Variants in SOX4 observed in about 807,000 individuals in gnomAD.
SOX4 encodes the protein SRY-box transcription factor 4.
For synonymous variants in SOX4, 465 were observed against 348.4 expected (o/e 1.33, Z -3.73); for missense variants, 662 against 694.9 (o/e 0.95, Z 0.53).
Position 21,594,906 on chromosome 6 carries a change from C to T in SOX4, c.372C>T (p.Pro124=), listed in dbSNP as rs748261222. 7 of 1,613,100 alleles carry T rather than the reference C, an allele frequency of 4.3e-6. No homozygotes were observed. The Admixed American group carries it at 8.3e-5, about 19-fold the overall frequency. The change falls in exon 1 of 1, where the codon CCC becomes CCT. Residue 124 remains proline, a synonymous_variant. Transcript: ENST00000244745. Reference sequence around the variant, plus strand: ...GCCTCAAGCACATGGCTGACTACCCCGACTACAAGTACCGGCCCAGGAAGA... The same window carrying T: ...GCCTCAAGCACATGGCTGACTACCCTGACTACAAGTACCGGCCCAGGAAGA... ...RLRLKHMADY[P]DYKYRPRKKV... is the part of the protein sequence containing the mutation.
At position 21,594,943 on chromosome 6, in the gene SOX4, G is replaced by A. The variant is rs1413973938; in HGVS notation, c.409G>A (p.Gly137Ser). Residue 137 changes from glycine (G) to serine (S), a missense_variant, in exon 1 of 1, where the codon GGC becomes AGC. Transcript: ENST00000244745. ...KYRPRKKVKS[G>S]NANSSSSAAA... ...CCGGCCCAGGAAGAAGGTGAAGTCC[G>A]GCAACGCCAACTCCAGCTCCTCGGC... 2 of 1,610,522 alleles carry A rather than the reference G, an allele frequency of 1.2e-6. No individual in the cohort carries two copies. Among genetic ancestry groups the A allele is most frequent in the Non-Finnish European group, 1.7e-6 (2 of 1,178,604 alleles).
Position 21,595,977 on chromosome 6 carries a change from A to C in SOX4, c.*18A>C. On this transcript the variant is annotated 3_prime_UTR_variant, in exon 1 of 1. Coordinates refer to ENST00000244745, the MANE Select transcript of SOX4 (RefSeq NM_003107.3). ...CCTACTGAAGGGCGCGCAGGCAGGG[A>C]GAAGGGCCGGGGGGGGTAGGAGAGG... 1 of 1,489,374 alleles carries C rather than the reference A, an allele frequency of 6.7e-7. No homozygotes were observed. The highest frequency in any genetic ancestry group is 9.0e-7 in the Non-Finnish European group (1 of 1,110,340). 92.3% of individuals were successfully genotyped at this position (1,489,374 alleles called of 1,614,324 possible).
Position 21,594,684 on chromosome 6 carries a change from C to G in SOX4, c.150C>G (p.Ser50Arg), listed in dbSNP as rs1030019623. The G allele has an allele frequency of 6.3e-7, 1 of 1,598,884 alleles. No homozygotes were observed. Among genetic ancestry groups the G allele is most frequent in the African/African-American group, 1.3e-5 (1 of 74,722 alleles). The change falls in exon 1 of 1, where the codon AGC becomes AGG. Residue 50 changes from serine to arginine, a missense_variant. By Grantham distance (110) the Ser-to-Arg change is moderately radical. Transcript: ENST00000244745. ...CGGGCGGCAAGGCCGACGACCCGAG[C>G]TGGTGCAAGACCCCGAGTGGGCACA... ...ASTGGKADDP[S>R]WCKTPSGHIK...
rs1234272534 is a variant in SOX4, at chr6:21,594,108, A to G, written c.-427A>G. The G allele has an allele frequency of 1.3e-5, 2 of 156,238 alleles. No individual in the cohort carries two copies. The highest frequency in any genetic ancestry group is 2.8e-5 in the Non-Finnish European group (2 of 71,814). The allele number at this position is 156,238 out of a possible 1,614,324, so 9.7% of individuals were successfully genotyped here. On this transcript the variant is annotated 5_prime_UTR_variant, in exon 1 of 1. Coordinates refer to ENST00000244745, the MANE Select transcript of SOX4 (RefSeq NM_003107.3). ...CGAGAGCGCTCGTGAACTGGAATCA[A>G]CTGCTTCAGGGAAAAAGAAAAAAAA...
Position 21,595,018 on chromosome 6 carries a change from GGCGGGGGCGGCC to G in SOX4, c.485_496del (p.Gly162_His166delinsAsp), listed in dbSNP as rs1300999428. 1.3e-6 allele frequency: 2 copies of G among 1,498,444 alleles called. No individual in the cohort carries two copies. The highest frequency in any genetic ancestry group is 1.8e-6 in the Non-Finnish European group (2 of 1,126,306). 92.8% of individuals were successfully genotyped at this position (1,498,444 alleles called of 1,614,324 possible). On this transcript the variant is annotated inframe_deletion, in exon 1 of 1. Transcript: ENST00000244745. ...GAAGGGAGACAAGGTCGGTGGCAGT[GGCGGGGGCGGCC>G]ATGGGGGCGGCGGCGGCGGCGGGAG...
At position 21,595,371 on chromosome 6, in the gene SOX4, A is replaced by C. The variant is rs1763117272; in HGVS notation, c.837A>C (p.Ala279=). 8 of 1,533,910 alleles carry C rather than the reference A, an allele frequency of 5.2e-6. No individual in the cohort carries two copies. The East Asian group carries it at 1.9e-4, about 36-fold the overall frequency. ...ASASSAASAS[A]ALAAPGKHLA... ...CCTCCTCGGCAGCCTCGGCCTCCGC[A>C]GCGCTCGCGGCCCCGGGCAAGCACC... Residue 279 remains alanine, a synonymous_variant, in exon 1 of 1, where the codon GCA becomes GCC. Coordinates refer to ENST00000244745, the MANE Select transcript of SOX4 (RefSeq NM_003107.3).
Position 21,594,947 on chromosome 6 carries a change from A to T in SOX4, c.413A>T (p.Asn138Ile), listed in dbSNP as rs1201604177. 1 of 1,610,092 alleles carries T rather than the reference A, an allele frequency of 6.2e-7. No homozygotes were observed. Among genetic ancestry groups the T allele is most frequent in the Non-Finnish European group, 8.5e-7 (1 of 1,178,400 alleles). Residue 138 changes from asparagine to isoleucine, a missense_variant, in exon 1 of 1, where the codon AAC (asparagine) becomes ATC (isoleucine). Transcript: ENST00000244745. ...CCCAGGAAGAAGGTGAAGTCCGGCA[A>T]CGCCAACTCCAGCTCCTCGGCCGCC... ...YRPRKKVKSG[N>I]ANSSSSAAAS...
In SOX4 at chr6:21,594,454, G is replaced by A. The variant is rs1184022056; in HGVS notation, c.-81G>A. Reference sequence around the variant, plus strand: ...TTCCCGTTCGGCGTGTGCTTGGCCCGGGGAACCGGGAGGGCCCGGCGATCG... The same window carrying A: ...TTCCCGTTCGGCGTGTGCTTGGCCCAGGGAACCGGGAGGGCCCGGCGATCG... On this transcript the variant is annotated 5_prime_UTR_variant, in exon 1 of 1. Coordinates refer to ENST00000244745, the MANE Select transcript of SOX4 (RefSeq NM_003107.3). 3 of 1,339,958 alleles carry A rather than the reference G, an allele frequency of 2.2e-6. No homozygotes were observed. The highest frequency in any genetic ancestry group is 8.3e-5 in the Admixed American group (2 of 24,230). The allele number at this position is 1,339,958 out of a possible 1,614,324, so 83.0% of individuals were successfully genotyped here. A position where few individuals can be genotyped will look rare whatever the true frequency, so the allele number is the denominator to read the frequency against.
In SOX4 at chr6:21,593,808, G is replaced by C. The variant is rs183546727; in HGVS notation, c.-727G>C. 4.6e-5 allele frequency: 7 copies of C among 152,286 alleles called. No homozygotes were observed. Among genetic ancestry groups the C allele is most frequent in the Admixed American group, 3.9e-4 (6 of 15,282 alleles). 9.4% of individuals were successfully genotyped at this position (152,286 alleles called of 1,614,324 possible). ...AGGGGAAGAGGCCTGTTTCGCTGTC[G>C]GGTCTCTAGTTCTTGCACGCTCTTT... On this transcript the variant is annotated 5_prime_UTR_variant, in exon 1 of 1. Coordinates refer to ENST00000244745, the MANE Select transcript of SOX4 (RefSeq NM_003107.3).
In SOX4 at chr6:21,597,144, T is replaced by C. The variant is rs1397103023; in HGVS notation, c.*1185T>C. The C allele has an allele frequency of 6.0e-6, 1 of 166,436 alleles. No homozygotes were observed. The highest frequency in any genetic ancestry group is 1.5e-5 in the Non-Finnish European group (1 of 68,116). The allele number at this position is 166,436 out of a possible 1,614,324, so 10.3% of individuals were successfully genotyped here. On this transcript the variant is annotated 3_prime_UTR_variant, in exon 1 of 1. Transcript: ENST00000244745. The stretch of plus-strand genomic sequence containing the variant: ...GTTTTTAAAATAGTGTAGGATAATA[T>C]AAAAAGCAGATAGATGGCGCTATGT...
Position 21,596,243 on chromosome 6 carries a change from G to T in SOX4, c.*284G>T. 3 of 219,448 alleles carry T rather than the reference G, an allele frequency of 1.4e-5. No individual in the cohort carries two copies. The highest frequency in any genetic ancestry group is 9.6e-6 in the Non-Finnish European group (1 of 104,600). The allele number at this position is 219,448 out of a possible 1,614,324, so 13.6% of individuals were successfully genotyped here. ...GGGTAGACAGGGGCGACCTGTGATTGTTGTTATTGATGTTGTTGTTGATGG... is the reference window on the plus strand; with the variant it reads ...GGGTAGACAGGGGCGACCTGTGATTTTTGTTATTGATGTTGTTGTTGATGG... On this transcript the variant is annotated 3_prime_UTR_variant, in exon 1 of 1. Coordinates refer to ENST00000244745, the MANE Select transcript of SOX4 (RefSeq NM_003107.3).
rs543027975 is a variant in SOX4 at position 21,596,850 on chromosome 6, T to C, written c.*891T>C. The stretch of plus-strand genomic sequence containing the variant: ...GGCGGCGGCTGCTGGGCCTCCGCCT[T>C]CTTTTCTACGTGAAATCAGTGAGGT... On this transcript the variant is annotated 3_prime_UTR_variant, in exon 1 of 1. Coordinates refer to ENST00000244745, the MANE Select transcript of SOX4 (RefSeq NM_003107.3). 1,283 of 167,108 alleles carry C rather than the reference T, an allele frequency of 7.7e-3. 13 individuals are homozygous for C. Among genetic ancestry groups the C allele is most frequent in the Non-Finnish European group, 0.013 (889 of 68,358 alleles). 10.4% of individuals were successfully genotyped at this position (167,108 alleles called of 1,614,324 possible). A position where few individuals can be genotyped will look rare whatever the true frequency, so the allele number is the denominator to read the frequency against.
At position 21,596,234 on chromosome 6, in the gene SOX4, C is replaced by T. The variant is rs1262119729; in HGVS notation, c.*275C>T. ...GGAGGAAGAGGGTAGACAGGGGCGA[C>T]CTGTGATTGTTGTTATTGATGTTGT... On this transcript the variant is annotated 3_prime_UTR_variant, in exon 1 of 1. Transcript: ENST00000244745. 2.5e-5 allele frequency: 8 copies of T among 324,890 alleles called. No individual in the cohort carries two copies. The highest frequency in any genetic ancestry group is 4.0e-5 in the Non-Finnish European group (7 of 173,032). The allele number at this position is 324,890 out of a possible 1,614,324, so 20.1% of individuals were successfully genotyped here.
rs1189904825 is a variant in SOX4 at position 21,598,320 on chromosome 6, G to A, written c.*2361G>A. On this transcript the variant is annotated 3_prime_UTR_variant, in exon 1 of 1. Coordinates refer to ENST00000244745, the MANE Select transcript of SOX4 (RefSeq NM_003107.3). ...AAGTCTGTATTATAATAAGCAAAAA[G>A]ATTGTGTGTATGTATGTTTAATATA... 2 of 167,122 alleles carry A rather than the reference G, an allele frequency of 1.2e-5. No homozygotes were observed. The highest frequency in any genetic ancestry group is 4.1e-4 in the South Asian group (2 of 4,834). The allele number at this position is 167,122 out of a possible 1,614,324, so 10.4% of individuals were successfully genotyped here. A position where few individuals can be genotyped will look rare whatever the true frequency, so the allele number is the denominator to read the frequency against.
Position 21,595,574 on chromosome 6 carries a change from C to T in SOX4, c.1040C>T (p.Ser347Leu). The change falls in exon 1 of 1, where the codon TCG becomes TTG. Residue 347 changes from serine to leucine, a missense_variant. By Grantham distance (145) the Ser-to-Leu change is moderately radical. Coordinates refer to ENST00000244745, the MANE Select transcript of SOX4 (RefSeq NM_003107.3). ...CTGAGCGGCCGCAGCAGCGCCGCCT[C>T]GTCCCCCGCCGCCGGCCGCTCGCCC... ...PSLSGRSSAA[S>L]SPAAGRSPAD... is the part of the protein sequence containing the mutation. 1 of 1,196,722 alleles carries T rather than the reference C, an allele frequency of 8.4e-7. No homozygotes were observed. Among genetic ancestry groups the T allele is most frequent in the Non-Finnish European group, 1.0e-6 (1 of 968,060 alleles). The allele number at this position is 1,196,722 out of a possible 1,614,324, so 74.1% of individuals were successfully genotyped here.
rs925228895 is a variant in SOX4, at chr6:21,597,903, C to T, written c.*1944C>T. On this transcript the variant is annotated 3_prime_UTR_variant, in exon 1 of 1. Coordinates refer to ENST00000244745, the MANE Select transcript of SOX4 (RefSeq NM_003107.3). ...CCAGTGTCCACCCTCCGGCCCCCGTCTTGTAAAAAGGGGAGGAGAATTAGC... is the reference window on the plus strand; with the variant it reads ...CCAGTGTCCACCCTCCGGCCCCCGTTTTGTAAAAAGGGGAGGAGAATTAGC... The T allele has an allele frequency of 1.1e-4, 19 of 167,014 alleles. No homozygotes were observed. The highest frequency in any genetic ancestry group is 4.6e-4 in the African/African-American group (19 of 41,420). The allele number at this position is 167,014 out of a possible 1,614,324, so 10.3% of individuals were successfully genotyped here.
At position 21,595,236 on chromosome 6, in the gene SOX4, C is replaced by T. The variant is rs1430948342; in HGVS notation, c.702C>T (p.Ala234=). 8.8e-6 allele frequency: 11 copies of T among 1,245,666 alleles called. No homozygotes were observed. The highest frequency in any genetic ancestry group is 3.2e-5 in the East Asian group (1 of 31,292). The allele number at this position is 1,245,666 out of a possible 1,614,324, so 77.2% of individuals were successfully genotyped here. ...GCGGGAAAGCAGCGGCTGCCGCCGC[C>T]GCCTCCTTCGCCGCCGAACAGGCGG... ...GGGGKAAAAA[A]ASFAAEQAGA... The change falls in exon 1 of 1, where the codon GCC becomes GCT. Residue 234 remains alanine (A), a synonymous_variant. Transcript: ENST00000244745.
Position 21,595,990 on chromosome 6 carries a change from G to C in SOX4, c.*31G>C, listed in dbSNP as rs200088857. The stretch of plus-strand genomic sequence containing the variant: ...GCGCAGGCAGGGAGAAGGGCCGGGG[G>C]GGGTAGGAGAGGAGAAAAAAAAAGT... On this transcript the variant is annotated 3_prime_UTR_variant, in exon 1 of 1. Transcript: ENST00000244745. 93 of 1,471,170 alleles carry C rather than the reference G, an allele frequency of 6.3e-5. No homozygotes were observed. The highest frequency in any genetic ancestry group is 2.4e-4 in the African/African-American group (17 of 69,400). The allele number at this position is 1,471,170 out of a possible 1,614,324, so 91.1% of individuals were successfully genotyped here. A position where few individuals can be genotyped will look rare whatever the true frequency, so the allele number is the denominator to read the frequency against.
Position 21,595,776 on chromosome 6 carries a change from T to G in SOX4, c.1242T>G (p.Phe414Leu), listed in dbSNP as rs1763136211. The change falls in exon 1 of 1, where the codon TTT becomes TTG. Residue 414 changes from phenylalanine (F) to leucine (L), a missense_variant. Physicochemically the swap from Phe to Leu is conservative, Grantham distance 22. Coordinates refer to ENST00000244745, the MANE Select transcript of SOX4 (RefSeq NM_003107.3). ...TCGACCTGAACCCCAGCTCAAACTTTGAGAGCATGTCCCTGGGCAGCTTCA... is the reference window on the plus strand; with the variant it reads ...TCGACCTGAACCCCAGCTCAAACTTGGAGAGCATGTCCCTGGGCAGCTTCA... ...DLLDLNPSSN[F>L]ESMSLGSFSS... The G allele has an allele frequency of 6.2e-7, 1 of 1,613,434 alleles. No individual in the cohort carries two copies. Among genetic ancestry groups the G allele is most frequent in the East Asian group, 2.2e-5 (1 of 44,848 alleles).
Sources: gnomAD v4.1 joint callset for allele counts on GRCh38, gnomAD v4.1.1 for gene constraint, MANE v1.5 for transcripts, NCBI Gene and HGNC (gene_info 2026-07-23, HGNC 2026-07-21) for gene names.